Variants in STUM observed in about 807,000 individuals in gnomAD.
The protein encoded by STUM is protein stum homolog.
Under a neutral mutation model 15.3 loss-of-function variants are expected in STUM, and 8 were observed. That is an observed-to-expected ratio of 0.52 (90% CI 0.31 to 0.94). The LOEUF is 0.94. Ranked by LOEUF, STUM falls within the 40% of genes least tolerant of loss-of-function variation. The probability of loss-of-function intolerance (pLI) is 0.05; values close to 1 mark genes in which losing one functional copy is unlikely to be tolerated. For synonymous variants in STUM, 78 were observed against 88.7 expected (o/e 0.88, Z 0.68); for missense variants, 142 against 204.9 (o/e 0.69, Z 1.87).
At chr1:226,562,204 C>A (rs1667552194) in intron 1 of STUM, among the ~76,000 whole-genome samples, 1 of 152,052 alleles carries the variant, frequency 6.6e-6, no homozygotes, top group Non-Finnish European at 1.5e-5. Context: ...TGCAGTGGCT[C>A]ACTTCTGTAA....
In STUM at chr1:226,565,793, T is replaced by C. The variant is rs2102691500; in HGVS notation, c.202+16687T>C. On this transcript the variant is annotated intron_variant, in intron 1 of 3. Transcript: ENST00000366788. The surrounding 1 kb of genome is among the most constrained non-coding windows in gnomAD (Gnocchi z 4.4). ...CCCAGAGGATTCCCCAGCAGCAGAA[T>C]CCTGGTTCTGCCTGCTCTCCTCCCA... 6.6e-6 allele frequency among the ~76,000 whole-genome samples: 1 copy of C among 152,336 alleles called. No homozygotes were observed. Among genetic ancestry groups the C allele is most frequent in the Non-Finnish European group, 1.5e-5 (1 of 68,026 alleles).
intron 1 of STUM, among the ~76,000 whole-genome samples, chr1:226,580,690 T>A (rs1417502724): frequency 1.3e-5 from 2 of 152,082 alleles, no homozygotes; most frequent in Non-Finnish European, 2.9e-5. Context: ...GCCCCACTGC[T>A]CCCCATGCTG....
rs1320460630 is a variant in STUM at position 226,602,192 on chromosome 1, A to G, written c.*152A>G. ...TTTAAAAATATTATTTATTTTGAAA[A>G]CGCATCTGCTTTTCTCAGCAGGTTG... On this transcript the variant is annotated 3_prime_UTR_variant, in exon 4 of 4. Transcript: ENST00000366788. The G allele has an allele frequency of 1.6e-6, 1 of 625,402 alleles. No individual in the cohort carries two copies. The highest frequency in any genetic ancestry group is 2.8e-6 in the Non-Finnish European group (1 of 359,662). The allele number at this position is 625,402 out of a possible 1,614,324, so 38.7% of individuals were successfully genotyped here.
In STUM at chr1:226,567,200, AC is replaced by A. The variant is rs1404837509; in HGVS notation, c.202+18096del. Among the ~76,000 whole-genome samples, 2 of 152,144 alleles carry A rather than the reference AC, an allele frequency of 1.3e-5. No homozygotes were observed. The highest frequency in any genetic ancestry group is 2.4e-5 in the African/African-American group (1 of 41,424). On this transcript the variant is annotated intron_variant, in intron 1 of 3. Transcript: ENST00000366788. The surrounding 1 kb of genome is among the most constrained non-coding windows in gnomAD (Gnocchi z 4.5). ...CAACAGTCCTGTCCAGGCCAGATTG[AC>A]CTGAAATCTCTTCCCGAGCCTTGCT... is the stretch of plus-strand genomic sequence containing the variant.
chr1:226,571,779 C>T (rs1166483552), intron 1 of STUM, among the ~76,000 whole-genome samples: 1 of 151,940 alleles, frequency 6.6e-6, no homozygotes, highest in Non-Finnish European at 1.5e-5. Context: ...AGCTGGGATT[C>T]CAGGCATGCA....
chr1:226,598,976 A>G (rs1668224673), intron 2 of STUM, among the ~76,000 whole-genome samples: 1 of 152,234 alleles, frequency 6.6e-6, no homozygotes, highest in Non-Finnish European at 1.5e-5. Context: ...GCGAAAGGCA[A>G]GGAGGAGCAA....
intron 1 of STUM, among the ~76,000 whole-genome samples, chr1:226,581,123 GAT>G (rs1159402816): frequency 6.6e-6 from 1 of 152,244 alleles, no homozygotes; most frequent in East Asian, 1.9e-4. Context: ...TTAGTTTGGA[GAT>G]GACCCAGACG....
intron 1 of STUM, among the ~76,000 whole-genome samples, chr1:226,587,015 T>C (rs1168894543): frequency 6.6e-6 from 1 of 152,100 alleles, no homozygotes; most frequent in Admixed American, 6.5e-5. Flanking sequence ...ACTGAGAAAT[T>C]CCATGTGGTT....
chr1:226,589,733 C>CGCAGGAACAGCATGT (rs1300693003), intron 1 of STUM, among the ~76,000 whole-genome samples: 4 of 152,156 alleles, frequency 2.6e-5, no homozygotes, highest in African/African-American at 9.7e-5. Context: ...GAACAGCATG[C>CGCAGGAACAGCATGT]GCAGGGCCAG....
At chr1:226,587,673 G>GT in intron 1 of STUM, among the ~76,000 whole-genome samples, 1 of 152,316 alleles carries the variant, frequency 6.6e-6, no homozygotes, top group East Asian at 1.9e-4. Flanking sequence ...GCCTCTGGAT[G>GT]TGGGGGAGCA....
Position 226,602,928 on chromosome 1 carries a change from AT to A in STUM, c.*891del, listed in dbSNP as rs1176403640. On this transcript the variant is annotated 3_prime_UTR_variant, in exon 4 of 4. Transcript: ENST00000366788. Reference sequence around the variant, plus strand: ...AGATTTGAGAAAGACAATGCGATCCATTTATCGTACACTTTCTAACTTCCCG... The same window carrying A: ...AGATTTGAGAAAGACAATGCGATCCATTATCGTACACTTTCTAACTTCCCG... The A allele has an allele frequency of 1.3e-5, 2 of 152,162 alleles. No homozygotes were observed. Among genetic ancestry groups the A allele is most frequent in the Admixed American group, 1.3e-4 (2 of 15,282 alleles). The allele number at this position is 152,162 out of a possible 1,614,324, so 9.4% of individuals were successfully genotyped here. A position where few individuals can be genotyped will look rare whatever the true frequency, so the allele number is the denominator to read the frequency against.
Position 226,596,948 on chromosome 1 carries a change from A to G in STUM, c.349A>G (p.Ile117Val), listed in dbSNP as rs2102711952. ...CGTCATGGTGGGCTGGATCATGAGCATCTTCTGGGGCATGGACATGGTCAT... is the reference window on the plus strand; with the variant it reads ...CGTCATGGTGGGCTGGATCATGAGCGTCTTCTGGGGCATGGACATGGTCAT... ...AIVMVGWIMSIFWGMDMVILA... is the reference protein window; with the variant it reads ...AIVMVGWIMSVFWGMDMVILA... Residue 117 changes from isoleucine (I) to valine (V), a missense_variant, in exon 2 of 4, where the codon ATC becomes GTC. Physicochemically the swap from Ile to Val is conservative, Grantham distance 29. Transcript: ENST00000366788. 1 of 1,614,166 alleles carries G rather than the reference A, an allele frequency of 6.2e-7. No homozygotes were observed. Among genetic ancestry groups the G allele is most frequent in the East Asian group, 2.2e-5 (1 of 44,882 alleles).
At chr1:226,590,782 C>T (rs943050501) in intron 1 of STUM, among the ~76,000 whole-genome samples, 1 of 152,236 alleles carries the variant, frequency 6.6e-6, no homozygotes, top group Non-Finnish European at 1.5e-5. Context: ...ATGGCCAGGA[C>T]GGCCTGTCTG....
Position 226,549,749 on chromosome 1 carries a change from A to C in STUM, c.202+643A>C, listed in dbSNP as rs568382897. Among the ~76,000 whole-genome samples the C allele has an allele frequency of 6.6e-6, 1 of 152,326 alleles. No homozygotes were observed. The highest frequency in any genetic ancestry group is 1.9e-4 in the East Asian group (1 of 5,184). On this transcript the variant is annotated intron_variant, in intron 1 of 3. Transcript: ENST00000366788. The surrounding 1 kb of genome is among the most constrained non-coding windows in gnomAD (Gnocchi z 6.8). ...GGGATGATTTTATTAGTTTGGATGCATGTGGCCAGAGATGAACCCATAGCT... is the reference window on the plus strand; with the variant it reads ...GGGATGATTTTATTAGTTTGGATGCCTGTGGCCAGAGATGAACCCATAGCT...
intron 2 of STUM, among the ~76,000 whole-genome samples, chr1:226,597,219 A>C (rs915521481): frequency 6.6e-6 from 1 of 152,252 alleles, no homozygotes; most frequent in Admixed American, 6.5e-5. Context: ...GAGTTCCATC[A>C]TTTAATGCAA....
chr1:226,549,093 C>T lies in STUM; in HGVS notation c.189C>T (p.Phe63=). 1 of 1,579,478 alleles carries T rather than the reference C, an allele frequency of 6.3e-7. No individual in the cohort carries two copies. The highest frequency in any genetic ancestry group is 8.6e-7 in the Non-Finnish European group (1 of 1,165,608). ...VAVICLFLNT[F]VPGLGTFVSA... is the part of the protein sequence containing the mutation. ...TCATCTGCCTCTTCCTCAACACTTTCGTGCCGGGACTGGGTAAGACACGGC... is the reference window on the plus strand; with the variant it reads ...TCATCTGCCTCTTCCTCAACACTTTTGTGCCGGGACTGGGTAAGACACGGC... Residue 63 remains phenylalanine (F), a synonymous_variant, in exon 1 of 4, where the codon TTC becomes TTT. Transcript: ENST00000366788. The surrounding 1 kb of genome is among the most constrained non-coding windows in gnomAD (Gnocchi z 6.8).
At chr1:226,563,838 T>C (rs1667579195) in intron 1 of STUM, among the ~76,000 whole-genome samples, 1 of 152,198 alleles carries the variant, frequency 6.6e-6, no homozygotes, top group Admixed American at 6.5e-5. Context: ...AACGTGCAAG[T>C]GGAATCCTTC....
intron 1 of STUM, among the ~76,000 whole-genome samples, chr1:226,581,626 A>G (rs995591109): frequency 9.2e-5 from 14 of 151,894 alleles, no homozygotes; most frequent in African/African-American, 3.1e-4. Flanking sequence ...CCCAGGCTGG[A>G]GTGCAGTGGG....
At chr1:226,588,682 TG>T in intron 1 of STUM, among the ~76,000 whole-genome samples, 1 of 152,366 alleles carries the variant, frequency 6.6e-6, no homozygotes, top group East Asian at 1.9e-4. Flanking sequence ...GAGGCAAAGA[TG>T]ATGACTAGAC....
Sources: allele counts gnomAD v4.1 joint callset (sites outside exome capture counted in the v4.1 genomes callset), GRCh38; gene constraint gnomAD v4.1.1; non-coding constraint Gnocchi (gnomAD v3.1); transcripts MANE v1.5; gene names NCBI Gene and HGNC (gene_info 2026-07-23, HGNC 2026-07-21).